The following SMIM23 variants were observed in gnomAD, a reference collection of about 807,000 sequenced individuals.
The protein encoded by SMIM23 is CTB-78H18.1.
In SMIM23, 10 loss-of-function variants were observed where a neutral mutation model predicts 12.8. That is an observed-to-expected ratio of 0.78 (90% CI 0.48 to 1.32). The LOEUF (loss-of-function observed/expected upper bound fraction) is 1.32, where lower values mean the gene tolerates loss of function less well. Among genes scored for constraint, SMIM23 ranks in the 40% most tolerant of loss-of-function variants. SMIM23 has a pLI of 0.00. For missense variants in SMIM23, 184 were observed against 198.2 expected (o/e 0.93, Z 0.43); for synonymous variants, 78 against 80.1 (o/e 0.97, Z 0.14).
Position 171,790,526 on chromosome 5 carries a change from T to TA in SMIM23, c.203dup (p.Tyr68Ter). 6.5e-7 allele frequency: 1 copy of TA among 1,536,798 alleles called. No homozygotes were observed. Among genetic ancestry groups the TA allele is most frequent in the Non-Finnish European group, 8.7e-7 (1 of 1,147,072 alleles). Residue 68 changes from tyrosine to a stop codon, truncating the protein, a stop_gained and frameshift_variant, in exon 3 of 4, where the codon TAC becomes TAAC. Coordinates refer to ENST00000523047, the MANE Select transcript of SMIM23 (RefSeq NM_001289970.2). LOFTEE classifies it low-confidence loss of function (END_TRUNC). ...VSERIRECNY[Y>*]QNLAVPQGLE... ...AGAAAGGATCAGAGAATGTAACTAC[T>TA]ACCAGAATCTTGCAGTTCCCCAGGT...
chr5:171,773,460 C>A, the SMIM23 span, among the ~76,000 whole-genome samples: 1 of 148,918 alleles, frequency 6.7e-6, no homozygotes, highest in Non-Finnish European at 1.5e-5. Flanking sequence ...ATCCAATTAA[C>A]AGATAATTAC....
chr5:171,789,318 T>C (rs1755879792), intron 1 of SMIM23, among the ~76,000 whole-genome samples: 1 of 152,216 alleles, frequency 6.6e-6, no homozygotes, highest in South Asian at 2.1e-4. Context: ...ACCACAAAAA[T>C]GGGGACACAT....
At chr5:171,790,627 C>A in intron 3 of SMIM23, 78 bp downstream of exon 3, 2 of 1,430,450 alleles carry the variant, frequency 1.4e-6, no homozygotes, top group South Asian at 2.5e-5. Context: ...CAACATGGGT[C>A]ATGAAAGATA....
upstream of SMIM23, chr5:171,785,729 A>G: frequency 1.7e-6 from 1 of 601,422 alleles, no homozygotes; most frequent in Non-Finnish European, 2.9e-6. Flanking sequence ...AGGGTGGTGG[A>G]AAGGTGGGAA....
the SMIM23 span, among the ~76,000 whole-genome samples, chr5:171,773,221 T>C: frequency 1.3e-5 from 2 of 152,322 alleles, no homozygotes; most frequent in East Asian, 1.9e-4. Context: ...ATCTGTAGAA[T>C]GCGGACATTG....
intron 1 of SMIM23, among the ~76,000 whole-genome samples, chr5:171,787,859 C>A (rs1176077441): frequency 6.6e-6 from 1 of 152,110 alleles, no homozygotes; most frequent in East Asian, 1.9e-4. Flanking sequence ...TGGAATCATA[C>A]CATGTATACC....
chr5:171,775,895 G>A, the SMIM23 span, among the ~76,000 whole-genome samples: 12 of 151,982 alleles, frequency 7.9e-5, no homozygotes, highest in African/African-American at 2.4e-4. Context: ...TTTTTGAGAC[G>A]AAGTTTCACT....
At chr5:171,789,014 ATTT>A (rs1314389046) in intron 1 of SMIM23, among the ~76,000 whole-genome samples, 1 of 152,188 alleles carries the variant, frequency 6.6e-6, no homozygotes, top group Non-Finnish European at 1.5e-5. Flanking sequence ...TAATTTTTGC[ATTT>A]TTAGTAGAGA....
chr5:171,775,280 T>C, the SMIM23 span, among the ~76,000 whole-genome samples: 1 of 152,142 alleles, frequency 6.6e-6, no homozygotes, highest in Non-Finnish European at 1.5e-5. Context: ...ACATCTGGAA[T>C]AGACCAGGAG....
intron 3 of SMIM23, 22 bp downstream of exon 3, chr5:171,790,571 T>A (rs1190770106): frequency 4.6e-6 from 7 of 1,534,560 alleles, no homozygotes; most frequent in Non-Finnish European, 2.6e-6. Flanking sequence ...AGCAAGGTAC[T>A]GAGGTGAGGC....
upstream of SMIM23, among the ~76,000 whole-genome samples, chr5:171,780,069 A>C (rs1262495436): frequency 6.6e-6 from 1 of 152,164 alleles, no homozygotes; most frequent in Non-Finnish European, 1.5e-5. Context: ...ATTTGAACCC[A>C]GGTGTGTTTG....
chr5:171,775,133 A>G, the SMIM23 span, among the ~76,000 whole-genome samples: 4 of 152,186 alleles, frequency 2.6e-5, no homozygotes, highest in Non-Finnish European at 4.4e-5. Flanking sequence ...CATTTGACAA[A>G]TAGACACTGA....
At chr5:171,790,366 G>A (rs1414902054) in intron 2 of SMIM23, 85 bp downstream of exon 2, 4 of 1,503,018 alleles carry the variant, frequency 2.7e-6, no homozygotes, top group Middle Eastern at 1.7e-4. Context: ...TATGTTAAGG[G>A]GACCTCCATA....
chr5:171,782,077 T>C (rs1354969991), upstream of SMIM23, among the ~76,000 whole-genome samples: 1 of 152,230 alleles, frequency 6.6e-6, no homozygotes, highest in East Asian at 1.9e-4. Context: ...GGAAGCTTTG[T>C]TGTTTCGCTC....
upstream of SMIM23, among the ~76,000 whole-genome samples, chr5:171,784,157 C>A (rs1055514489): frequency 5.3e-5 from 8 of 152,124 alleles, no homozygotes; most frequent in Admixed American, 1.3e-4. Flanking sequence ...GGGAAATACA[C>A]ATTAAAACCA....
intron 1 of SMIM23, among the ~76,000 whole-genome samples, chr5:171,788,146 A>G (rs1253559189): frequency 3.4e-5 from 5 of 147,650 alleles, no homozygotes; most frequent in South Asian, 2.1e-4. Flanking sequence ...GGAAAATTCA[A>G]TGTCAGTCAA....
chr5:171,775,801 G>A, the SMIM23 span, among the ~76,000 whole-genome samples: 9 of 152,190 alleles, frequency 5.9e-5, no homozygotes, highest in African/African-American at 9.6e-5. Flanking sequence ...CGTTATCATC[G>A]CCATGCGTCA....
At chr5:171,773,126 T>A in the SMIM23 span, among the ~76,000 whole-genome samples, 1 of 152,142 alleles carries the variant, frequency 6.6e-6, no homozygotes, top group Non-Finnish European at 1.5e-5. Flanking sequence ...TCAACAGACC[T>A]GGGTTCGAAT....
At chr5:171,780,876 G>A (rs1033707196), upstream of SMIM23, among the ~76,000 whole-genome samples, 3 of 152,152 alleles carry the variant, frequency 2.0e-5, no homozygotes, top group African/African-American at 7.2e-5. Context: ...CCAAGAGCCA[G>A]GGTGCTGTCA....
Sources: gnomAD v4.1 joint callset for allele counts (sites outside exome capture counted in the v4.1 genomes callset) on GRCh38, gnomAD v4.1.1 for gene constraint, MANE v1.5 for transcripts, NCBI Gene and HGNC (gene_info 2026-07-23, HGNC 2026-07-21) for gene names.